Variants in PRDM4 observed in about 807,000 individuals in gnomAD.
PRDM4 encodes the protein PR/SET domain 4.
Under a neutral mutation model 62.3 loss-of-function variants are expected in PRDM4, and 38 were observed. The observed-to-expected ratio is 0.61, with a 90% CI of 0.47 to 0.80. The LOEUF (loss-of-function observed/expected upper bound fraction) is 0.80, where lower values mean the gene tolerates loss of function less well. PRDM4 is among the 30% of genes least tolerant of loss of function. PRDM4 has a pLI of 0.00. For synonymous variants in PRDM4, 339 were observed against 348.2 expected (o/e 0.97, Z 0.30); for missense variants, 858 against 997.1 (o/e 0.86, Z 1.88).
At chr12:107,742,442 A>G in intron 8 of PRDM4, 94 bp from the exon 9 acceptor site, 1 of 1,362,684 alleles carries the variant, frequency 7.3e-7, no homozygotes, top group Non-Finnish European at 1.0e-6. Context: ...ATGAAAGCTT[A>G]GGCAGAACTA....
In PRDM4 at chr12:107,752,037, G is replaced by C; in HGVS notation, c.504C>G (p.Arg168=). The part of the protein sequence containing the change: ...LEPGIVSIDS[R]SVNTHGAQSL... ...TTTGGGCACCATGTGTGTTCACAGAGCGAGAGTCTATTGAAACAATGCCTG... is the reference window on the plus strand; with the variant it reads ...TTTGGGCACCATGTGTGTTCACAGACCGAGAGTCTATTGAAACAATGCCTG... Residue 168 remains arginine (R), a synonymous_variant, in exon 5 of 12, where the codon CGC becomes CGG. Coordinates refer to ENST00000228437, the MANE Select transcript of PRDM4 (RefSeq NM_012406.4). The C allele has an allele frequency of 6.2e-7, 1 of 1,614,174 alleles. No individual in the cohort carries two copies. Among genetic ancestry groups the C allele is most frequent in the Non-Finnish European group, 8.5e-7 (1 of 1,179,990 alleles).
chr12:107,755,262 T>A (rs1891027533), intron 3 of PRDM4, among the ~76,000 whole-genome samples: 1 of 139,944 alleles, frequency 7.1e-6, no homozygotes, highest in African/African-American at 2.6e-5. Flanking sequence ...GCGCTGCTAA[T>A]TTTTTTTTTT....
In PRDM4 at chr12:107,751,634, G is replaced by A. The variant is rs187856936; in HGVS notation, c.907C>T (p.Leu303Phe). ...AMSTNSVSVA[L>F]STSHNLASLE... ...GAGGCAAGGTTGTGTGAGGTAGAGA[G>A]TGCCACGCTTACAGAGTTGGTGCTC... Residue 303 changes from leucine (L) to phenylalanine (F), a missense_variant, in exon 5 of 12, where the codon CTC (leucine) becomes TTC (phenylalanine). Leu to Phe is a conservative substitution (Grantham distance 22, BLOSUM62 0). Around this residue, in one of 3 missense-constraint regions of PRDM4, gnomAD observed 499 missense variants for 546.7 expected, o/e 0.91. Transcript: ENST00000228437. 352 of 1,614,100 alleles carry A rather than the reference G, an allele frequency of 2.2e-4. 2 individuals carry two copies. In the East Asian group the frequency reaches 7.7e-3, roughly 35 times the overall value.
intron 3 of PRDM4, among the ~76,000 whole-genome samples, chr12:107,755,708 G>T (rs1891043095): frequency 6.6e-6 from 1 of 152,146 alleles, no homozygotes. Flanking sequence ...GCTTATCATT[G>T]TAATAATCAA....
Position 107,734,255 on chromosome 12 carries a change from G to A in PRDM4, c.2361C>T (p.Asn787=). 1.2e-6 allele frequency: 2 copies of A among 1,614,142 alleles called. No homozygotes were observed. The highest frequency in any genetic ancestry group is 2.7e-5 in the African/African-American group (2 of 75,042). ...ACTCATCCGCTGAATACACAGCACT[G>A]TTAATCCTACAGTCTTCTGTCCCCA... The part of the protein sequence containing the change: ...DSVGTEDCRI[N]SAVYSADESL... Residue 787 remains asparagine (N), a synonymous_variant, in exon 12 of 12, where the codon AAC becomes AAT. Transcript: ENST00000228437.
In PRDM4 at chr12:107,738,154, G is replaced by C. The variant is rs911909863; in HGVS notation, c.2093+1229C>G. The C allele has an allele frequency of 5.5e-4, 84 of 152,264 alleles. 1 individual carries two copies. The highest frequency in any genetic ancestry group is 2.0e-3 in the African/African-American group (82 of 41,524). 9.4% of individuals were successfully genotyped at this position (152,264 alleles called of 1,614,324 possible). ...TCACTGTGTCTCTCCCGTTGTTTGA[G>C]CCACAAAATCTGTGGTATTTTATTA... On this transcript the variant is annotated intron_variant, in intron 11 of 11. Coordinates refer to ENST00000228437, the MANE Select transcript of PRDM4 (RefSeq NM_012406.4).
chr12:107,752,931 A>G (rs1308958384), intron 4 of PRDM4, among the ~76,000 whole-genome samples: 2 of 152,246 alleles, frequency 1.3e-5, no homozygotes. Flanking sequence ...AATAAAGATA[A>G]TAAACCATCA....
At chr12:107,756,660 T>C (rs192986199) in intron 3 of PRDM4, among the ~76,000 whole-genome samples, 172 bp downstream of exon 3, 98 of 152,308 alleles carry the variant, frequency 6.4e-4, no homozygotes, top group African/African-American at 2.3e-3. Context: ...ACTCTACCTC[T>C]ACAAAAACCT....
At position 107,734,451 on chromosome 12, in the gene PRDM4, T is replaced by C. The variant is rs1486778652; in HGVS notation, c.2165A>G (p.Asn722Ser). 8.1e-6 allele frequency: 13 copies of C among 1,614,064 alleles called. No individual in the cohort carries two copies. The highest frequency in any genetic ancestry group is 1.6e-4 in the Middle Eastern group (1 of 6,084). The part of the protein sequence containing the change: ...LRTNHLKKHL[N>S]SHEGKRDYVC... ...ATAATCCCGTTTTCCTTCATGAGAATTGAGATGCTTCTTTAAGTGATTTGT... is the reference window on the plus strand; with the variant it reads ...ATAATCCCGTTTTCCTTCATGAGAACTGAGATGCTTCTTTAAGTGATTTGT... Residue 722 changes from asparagine to serine, a missense_variant, in exon 12 of 12, where the codon AAT (asparagine) becomes AGT (serine). By Grantham distance (46) the Asn-to-Ser change is conservative. Coordinates refer to ENST00000228437, the MANE Select transcript of PRDM4 (RefSeq NM_012406.4).
chr12:107,736,568 T>C (rs540533674), intron 11 of PRDM4: 1 of 152,360 alleles, frequency 6.6e-6, no homozygotes, highest in African/African-American at 2.4e-5. Context: ...AAGGGCCTTC[T>C]GACTGCTGTA....
chr12:107,757,720 C>CT (rs200827372), intron 2 of PRDM4, among the ~76,000 whole-genome samples: 4 of 148,750 alleles, frequency 2.7e-5, no homozygotes, highest in African/African-American at 1.0e-4. Context: ...TTGCACCAAA[C>CT]TTTTTTTTAA....
At position 107,734,026 on chromosome 12, in the gene PRDM4, T is replaced by A; in HGVS notation, c.*184A>T. The A allele has an allele frequency of 4.9e-6, 3 of 606,458 alleles. No individual in the cohort carries two copies. The highest frequency in any genetic ancestry group is 2.6e-5 in the South Asian group (1 of 38,588). The allele number at this position is 606,458 out of a possible 1,614,324, so 37.6% of individuals were successfully genotyped here. ...CAGGACACATGCTCAGTTTTCCCAA[T>A]CTGTTTTAAAGTGTTTTCATTAGGA... On this transcript the variant is annotated 3_prime_UTR_variant, in exon 12 of 12. Coordinates refer to ENST00000228437, the MANE Select transcript of PRDM4 (RefSeq NM_012406.4).
Position 107,739,559 on chromosome 12 carries a change from C to T in PRDM4, c.1925-8G>A. Reference sequence around the variant, plus strand: ...ACCTGTAGTTCTTCTGACCTGCAATCAGCCCAAAGTATTACACCGTGAAGA... The same window carrying T: ...ACCTGTAGTTCTTCTGACCTGCAATTAGCCCAAAGTATTACACCGTGAAGA... On this transcript the variant is annotated splice_polypyrimidine_tract_variant and splice_region_variant and intron_variant, in intron 10 of 11. Transcript: ENST00000228437. 1 of 1,611,914 alleles carries T rather than the reference C, an allele frequency of 6.2e-7. No homozygotes were observed. The highest frequency in any genetic ancestry group is 8.5e-7 in the Non-Finnish European group (1 of 1,178,798).
At chr12:107,736,006 G>A (rs1451319500) in intron 11 of PRDM4, among the ~76,000 whole-genome samples, 1 of 152,068 alleles carries the variant, frequency 6.6e-6, no homozygotes, top group African/African-American at 2.4e-5. Flanking sequence ...CTGCAGATGG[G>A]AAACATCATG....
chr12:107,751,865 G>C lies in PRDM4; in HGVS notation c.676C>G (p.Pro226Ala). ...DGVAGEHSQI[P>A]NGSRSHEPLS... ...GGTTCATGACTTCTGGAGCCATTTG[G>C]GATTTGGGAATGCTCGCCTGCAACA... The change falls in exon 5 of 12, where the codon CCA becomes GCA. Residue 226 changes from proline to alanine, a missense_variant. By Grantham distance (27) the Pro-to-Ala change is conservative (BLOSUM62 -1). Coordinates refer to ENST00000228437, the MANE Select transcript of PRDM4 (RefSeq NM_012406.4). 1 of 1,614,212 alleles carries C rather than the reference G, an allele frequency of 6.2e-7. No individual in the cohort carries two copies. Among genetic ancestry groups the C allele is most frequent in the African/African-American group, 1.3e-5 (1 of 75,048 alleles).
In PRDM4 at chr12:107,751,538, C is replaced by T; in HGVS notation, c.1003G>A (p.Glu335Lys). The T allele has an allele frequency of 6.2e-7, 1 of 1,612,510 alleles. No individual in the cohort carries two copies. Among genetic ancestry groups the T allele is most frequent in the East Asian group, 2.2e-5 (1 of 44,864 alleles). ...EPVAVSSITQ[E>K]VAMGTGHVDV... ...ACATGACCTGTCCCCATAGCAACCT[C>T]CTGGGTGATGGAGGAGACAGCCACA... Residue 335 changes from glutamate to lysine, a missense_variant, in exon 5 of 12, where the codon GAG (glutamate) becomes AAG (lysine). Coordinates refer to ENST00000228437, the MANE Select transcript of PRDM4 (RefSeq NM_012406.4).
At chr12:107,752,768 T>C (rs1185573153) in intron 4 of PRDM4, among the ~76,000 whole-genome samples, 1 of 152,146 alleles carries the variant, frequency 6.6e-6, no homozygotes, top group South Asian at 2.1e-4. Flanking sequence ...GCATATATAT[T>C]AGGAGCCTCA....
chr12:107,736,822 G>C (rs1032906790), intron 11 of PRDM4: 6 of 152,204 alleles, frequency 3.9e-5, no homozygotes, highest in Non-Finnish European at 7.3e-5. Context: ...GGTGTTAGTT[G>C]AATGAAGGAA....
In PRDM4 at chr12:107,760,504, C is replaced by T; in HGVS notation, c.11+1G>A. 2 of 1,613,596 alleles carry T rather than the reference C, an allele frequency of 1.2e-6. No homozygotes were observed. Among genetic ancestry groups the T allele is most frequent in the Non-Finnish European group, 1.7e-6 (2 of 1,179,770 alleles). ...GTGCTGAAGCCCACCTCCCTACTCA[C>T]CTGTGATGCATCGGCTTGGGGCCAA... On this transcript the variant is annotated splice_donor_variant, in intron 2 of 11. Transcript: ENST00000228437. LOFTEE classifies it high-confidence loss of function.
Sources: allele counts gnomAD v4.1 joint callset (sites outside exome capture counted in the v4.1 genomes callset), GRCh38; gene constraint gnomAD v4.1.1; regional missense constraint gnomAD v4.1.1; transcripts MANE v1.5; gene names NCBI Gene and HGNC (gene_info 2026-07-23, HGNC 2026-07-21).